SCAF11: variants seen among roughly 807,000 people sequenced by gnomAD.
SCAF11 encodes the protein SR-related CTD associated factor 11, also known as protein SCAF11.
A neutral mutation model predicts 140.5 loss-of-function variants in SCAF11; 47 were observed. The observed-to-expected ratio is 0.33, with a 90% CI of 0.26 to 0.43. The LOEUF is 0.43. Ranked by LOEUF, SCAF11 falls within the 20% of genes least tolerant of loss-of-function variation. The pLI is 1.00. For missense variants in SCAF11, 1,645 were observed against 1,705.1 expected (o/e 0.96, Z 0.62); for synonymous variants, 557 against 579.4 (o/e 0.96, Z 0.55).
intron 1 of SCAF11, among the ~76,000 whole-genome samples, chr12:45,986,808 T>C (rs1946469467): frequency 6.6e-6 from 1 of 152,190 alleles, no homozygotes; most frequent in Non-Finnish European, 1.5e-5. Flanking sequence ...TTTCCGCTTT[T>C]GCATCTTCCT....
At chr12:45,948,623 C>T in intron 4 of SCAF11, 86 bp from the exon 5 acceptor site, 4 of 819,246 alleles carry the variant, frequency 4.9e-6, no homozygotes, top group Non-Finnish European at 7.8e-6. Flanking sequence ...ATTAAAATTA[C>T]AGAAACAAAA....
chr12:45,933,533 A>G (rs1945103793), intron 8 of SCAF11, among the ~76,000 whole-genome samples: 1 of 152,156 alleles, frequency 6.6e-6, no homozygotes, highest in Admixed American at 6.5e-5. Flanking sequence ...CTCATTATTG[A>G]AAGGAAGAAA....
intron 6 of SCAF11, among the ~76,000 whole-genome samples, chr12:45,941,046 A>G (rs186124120): frequency 3.0e-3 from 459 of 152,250 alleles, no homozygotes; most frequent in Non-Finnish European, 3.7e-3. Context: ...AGTCTTAAAC[A>G]TTCTGCCTGA....
At chr12:45,972,865 GAT>G (rs200069087) in intron 1 of SCAF11, among the ~76,000 whole-genome samples, 25,439 of 83,228 alleles carry the variant, frequency 0.31, 3,746 homozygotes, top group Non-Finnish European at 0.37. Context: ...TATATATATC[GAT>G]ATATATATAT....
At chr12:45,970,061 A>G (rs560774832) in intron 1 of SCAF11, among the ~76,000 whole-genome samples, 1 of 152,168 alleles carries the variant, frequency 6.6e-6, no homozygotes, top group African/African-American at 2.4e-5. Flanking sequence ...ACGCCCAGCT[A>G]ATTTTTGTAT....
chr12:45,974,096 G>C (rs779751016), intron 1 of SCAF11: 7 of 418,324 alleles, frequency 1.7e-5, no homozygotes, highest in Non-Finnish European at 3.5e-5. Flanking sequence ...CAAAATTTTT[G>C]GTTTCCTAGT....
At chr12:45,955,167 A>G (rs772798482) in intron 3 of SCAF11, 1 of 151,928 alleles carries the variant, frequency 6.6e-6, no homozygotes, top group Non-Finnish European at 1.5e-5. Context: ...CAGCCATCAT[A>G]ATTTTTTTTT....
Position 45,924,982 on chromosome 12 carries a change from G to A in SCAF11, c.3652C>T (p.Gln1218Ter), listed in dbSNP as rs1249327419. ...ATAGGCTGGTGTTGTGCATTCATTT[G>A]TTGCTGCATTACATTCATTTGCGGT... is the stretch of plus-strand genomic sequence containing the variant. ...MQPQMNVMQQ[Q>*]MNAQHQPMNI... The change falls in exon 12 of 15, where the codon CAA becomes TAA. Residue 1218 changes from glutamine to a stop codon, truncating the protein, a stop_gained. Coordinates refer to ENST00000369367, the MANE Select transcript of SCAF11 (RefSeq NM_004719.3). LOFTEE classifies it high-confidence loss of function. 6.2e-7 allele frequency: 1 copy of A among 1,614,062 alleles called. No individual in the cohort carries two copies. Among genetic ancestry groups the A allele is most frequent in the African/African-American group, 1.3e-5 (1 of 74,916 alleles).
rs558691625 is a variant in SCAF11 at position 45,934,576 on chromosome 12, G to A, written c.464-71C>T. On this transcript the variant is annotated intron_variant, in intron 6 of 14. Coordinates refer to ENST00000369367, the MANE Select transcript of SCAF11 (RefSeq NM_004719.3). ...ATTAAAAAGGCTGTAAACCAGCATCGATACCAGCACATTGGCAAGGGTTGA... is the reference window on the plus strand; with the variant it reads ...ATTAAAAAGGCTGTAAACCAGCATCAATACCAGCACATTGGCAAGGGTTGA... 80 of 976,088 alleles carry A rather than the reference G, an allele frequency of 8.2e-5. No individual in the cohort carries two copies. The African/African-American group carries it at 1.1e-3, about 13-fold the overall frequency. The allele number at this position is 976,088 out of a possible 1,614,324, so 60.5% of individuals were successfully genotyped here.
chr12:45,938,310 T>G (rs1945216737), intron 6 of SCAF11, among the ~76,000 whole-genome samples: 1 of 151,984 alleles, frequency 6.6e-6, no homozygotes, highest in Non-Finnish European at 1.5e-5. Context: ...GCCAACATGG[T>G]GAAACCCTGC....
intron 1 of SCAF11, among the ~76,000 whole-genome samples, chr12:45,986,119 G>T (rs1296004142): frequency 6.6e-6 from 1 of 151,984 alleles, no homozygotes; most frequent in Non-Finnish European, 1.5e-5. Context: ...CCTCACCTAG[G>T]CAATTTCATC....
At position 45,972,901 on chromosome 12, in the gene SCAF11, T is replaced by TATAGATATATAGATAG. The variant is rs1555171407; in HGVS notation, c.-21-8714_-21-8713insCTATCTATATATCTAT. The stretch of plus-strand genomic sequence containing the variant: ...ATATAGATATATATATAGATATATA[T>TATAGATATATAGATAG]ATATATAGATATATATATAGATATA... On this transcript the variant is annotated intron_variant, in intron 1 of 14. Coordinates refer to ENST00000369367, the MANE Select transcript of SCAF11 (RefSeq NM_004719.3). Among the ~76,000 whole-genome samples the TATAGATATATAGATAG allele has an allele frequency of 3.0e-4, 8 of 26,512 alleles. 1 individual carries two copies. The highest frequency in any genetic ancestry group is 1.1e-3 in the African/African-American group (7 of 6,576). The allele number at this position is 26,512 out of a possible 152,430, so 17.4% of individuals were successfully genotyped here. A position where few individuals can be genotyped will look rare whatever the true frequency, so the allele number is the denominator to read the frequency against.
At chr12:45,969,636 CTT>C (rs1214445665) in intron 1 of SCAF11, among the ~76,000 whole-genome samples, 1 of 152,236 alleles carries the variant, frequency 6.6e-6, no homozygotes, top group Non-Finnish European at 1.5e-5. Context: ...TTGCTTGCCA[CTT>C]TCTTTGTTTT....
chr12:45,971,757 AT>A (rs1180815842), intron 1 of SCAF11, among the ~76,000 whole-genome samples: 1 of 152,022 alleles, frequency 6.6e-6, no homozygotes, highest in African/African-American at 2.4e-5. Flanking sequence ...CAATTCCCAA[AT>A]GATCTGGTGA....
At chr12:45,942,091 A>C (rs1945315561) in intron 6 of SCAF11, among the ~76,000 whole-genome samples, 1 of 152,220 alleles carries the variant, frequency 6.6e-6, no homozygotes, top group Non-Finnish European at 1.5e-5. Flanking sequence ...GGAATACTGT[A>C]TATAATACAT....
At chr12:45,952,447 CAA>C (rs943531171) in intron 3 of SCAF11, among the ~76,000 whole-genome samples, 1 of 152,038 alleles carries the variant, frequency 6.6e-6, no homozygotes, top group Admixed American at 6.6e-5. Flanking sequence ...AAGGACTATC[CAA>C]AGTTCCTTTT....
chr12:45,952,877 A>G (rs1047819056), intron 3 of SCAF11, among the ~76,000 whole-genome samples: 3 of 152,226 alleles, frequency 2.0e-5, no homozygotes, highest in African/African-American at 7.2e-5. Context: ...TATTATTCCT[A>G]TGTAAAAAAT....
intron 1 of SCAF11, among the ~76,000 whole-genome samples, chr12:45,972,901 T>TAGATATAGATATCG: frequency 3.8e-5 from 1 of 26,512 alleles, no homozygotes; most frequent in Non-Finnish European, 8.3e-5. Flanking sequence ...TAGATATATA[T>TAGATATAGATATCG]ATATATAGAT....
At position 45,954,024 on chromosome 12, in the gene SCAF11, T is replaced by A. The variant is rs77492031; in HGVS notation, c.220-2297A>T. On this transcript the variant is annotated intron_variant, in intron 3 of 14. Coordinates refer to ENST00000369367, the MANE Select transcript of SCAF11 (RefSeq NM_004719.3). ...TTTTTATTGGAATTTGCAAAGTTTATGACGTAGATGGAAATCCAAGTACTT... is the reference window on the plus strand; with the variant it reads ...TTTTTATTGGAATTTGCAAAGTTTAAGACGTAGATGGAAATCCAAGTACTT... Among the ~76,000 whole-genome samples the A allele has an allele frequency of 6.0e-3, 920 of 152,340 alleles. 16 individuals carry two copies. Among genetic ancestry groups the A allele is most frequent in the African/African-American group, 0.021 (858 of 41,572 alleles).
Sources: allele counts gnomAD v4.1 joint callset (sites outside exome capture counted in the v4.1 genomes callset), GRCh38; gene constraint gnomAD v4.1.1; transcripts MANE v1.5; gene names NCBI Gene and HGNC (gene_info 2026-07-23, HGNC 2026-07-21).